Variants in PSD3 observed in about 807,000 individuals in gnomAD.
The protein encoded by PSD3 is pleckstrin and Sec7 domain containing 3.
PSD3 carries 49 observed loss-of-function variants against 105.5 expected under a neutral mutation model. The observed-to-expected ratio is 0.46, with a 90% confidence interval of 0.37 to 0.59. The LOEUF (loss-of-function observed/expected upper bound fraction) is 0.59. Ranked by LOEUF, PSD3 falls within the 20% of genes least tolerant of loss-of-function variation. The probability of loss-of-function intolerance (pLI) is 0.00; values close to 1 mark genes in which losing one functional copy is unlikely to be tolerated. For missense variants in PSD3, 1,561 were observed against 1,263.8 expected (o/e 1.24, Z -3.57); for synonymous variants, 557 against 457.8 (o/e 1.22, Z -2.77).
At chr8:18,551,602 A>G (rs1279541203) in intron 15 of PSD3, among the ~76,000 whole-genome samples, 2 of 152,202 alleles carry the variant, frequency 1.3e-5, no homozygotes, top group Non-Finnish European at 2.9e-5. Context: ...TGAATTTCCT[A>G]GCCATGTGGT....
intron 1 of PSD3, among the ~76,000 whole-genome samples, chr8:19,043,176 C>A (rs1399174208): frequency 6.6e-6 from 1 of 152,198 alleles, no homozygotes; most frequent in South Asian, 2.1e-4. Flanking sequence ...CAGGCCATAT[C>A]TTGCCAAATA....
intron 4 of PSD3, among the ~76,000 whole-genome samples, chr8:18,814,456 C>T (rs1344671777): frequency 6.6e-6 from 1 of 152,182 alleles, no homozygotes; most frequent in African/African-American, 2.4e-5. Context: ...TCAAACGTTT[C>T]TAGGGGCATG....
chr8:19,033,434 C>T (rs966414801), intron 1 of PSD3, among the ~76,000 whole-genome samples: 2 of 152,020 alleles, frequency 1.3e-5, no homozygotes, highest in Admixed American at 6.6e-5. Context: ...ACTTTTGATT[C>T]TCTCTAAGAA....
In PSD3 at chr8:18,677,882, T is replaced by C. The variant is rs367702269; in HGVS notation, c.2173-22197A>G. Among the ~76,000 whole-genome samples, 1,392 of 151,590 alleles carry C rather than the reference T, an allele frequency of 9.2e-3. 13 individuals are homozygous for C. The highest frequency in any genetic ancestry group is 0.019 in the South Asian group (92 of 4,794). On this transcript the variant is annotated intron_variant, in intron 9 of 15. Coordinates refer to ENST00000327040, the MANE Select transcript of PSD3 (RefSeq NM_015310.4). ...AAAATTAGCCAGGCGTGGTGGCGGG[T>C]GCCTGTAGTCCCAGCTACTCGGGAG...
intron 15 of PSD3, among the ~76,000 whole-genome samples, chr8:18,553,375 G>C (rs1275245717): frequency 8.2e-6 from 1 of 121,696 alleles, no homozygotes; most frequent in Non-Finnish European, 1.9e-5. Context: ...ACCTGGGTGA[G>C]AACAGTCACC....
rs74999568 is a variant in PSD3, at chr8:18,833,266, C to T, written c.1635-28368G>A. Among the ~76,000 whole-genome samples, 28 of 152,192 alleles carry T rather than the reference C, an allele frequency of 1.8e-4. No individual in the cohort carries two copies. The East Asian group carries it at 2.3e-3, about 13-fold the overall frequency. ...TTCACTCAGGTTGAAGCTTGTGGGA[C>T]GGAGGTGAGACAGTGTGAAGAACAC... On this transcript the variant is annotated intron_variant, in intron 4 of 15. Transcript: ENST00000327040.
chr8:18,841,506 T>G (rs1044639584), intron 4 of PSD3, among the ~76,000 whole-genome samples: 2 of 144,638 alleles, frequency 1.4e-5, no homozygotes, highest in African/African-American at 5.1e-5. Context: ...ACACTGAATT[T>G]AAACACTCAC....
At chr8:18,797,161 C>T (rs759376142) in intron 8 of PSD3, among the ~76,000 whole-genome samples, 3 of 152,228 alleles carry the variant, frequency 2.0e-5, no homozygotes, top group Non-Finnish European at 4.4e-5. Flanking sequence ...ATATATTCAA[C>T]AGACTTGTAA....
chr8:18,820,258 A>G (rs1214525010), intron 4 of PSD3, among the ~76,000 whole-genome samples: 1 of 150,808 alleles, frequency 6.6e-6, no homozygotes, highest in Non-Finnish European at 1.5e-5. Flanking sequence ...AGCAGAAAAT[A>G]TATGAAAATA....
In PSD3 at chr8:18,984,370, T is replaced by A. The variant is rs866912342; in HGVS notation, c.21+29193A>T. ...ATACATTAAAATGATCCTAACATAA[T>A]GTCTTTACATTATGGTACAAATTTA... On this transcript the variant is annotated intron_variant, in intron 1 of 15. Coordinates refer to ENST00000327040, the MANE Select transcript of PSD3 (RefSeq NM_015310.4). Among the ~76,000 whole-genome samples, 5 of 152,202 alleles carry A rather than the reference T, an allele frequency of 3.3e-5. No homozygotes were observed. The South Asian group carries it at 1.0e-3, about 32-fold the overall frequency.
chr8:18,892,626 C>CTTT (rs111896561), intron 2 of PSD3, among the ~76,000 whole-genome samples: 31 of 133,104 alleles, frequency 2.3e-4, no homozygotes, highest in African/African-American at 6.1e-4. Context: ...TCCTAATTTT[C>CTTT]TTTTTTTTTT....
At chr8:19,022,864 CTT>C (rs5889843) in intron 1 of PSD3, among the ~76,000 whole-genome samples, 1 of 143,686 alleles carries the variant, frequency 7.0e-6, no homozygotes, top group Non-Finnish European at 1.5e-5. Flanking sequence ...TCTCAGGACC[CTT>C]TTTTTTTTTT....
chr8:18,775,721 G>C (rs1001409823), intron 8 of PSD3, among the ~76,000 whole-genome samples: 1 of 152,012 alleles, frequency 6.6e-6, no homozygotes, highest in African/African-American at 2.4e-5. Flanking sequence ...ATATATTCTG[G>C]TTATTAATCC....
Position 18,730,557 on chromosome 8 carries a change from C to T in PSD3, c.2172+34892G>A, listed in dbSNP as rs560603674. 2.6e-5 allele frequency among the ~76,000 whole-genome samples: 4 copies of T among 152,264 alleles called. No individual in the cohort carries two copies. In the South Asian group the frequency reaches 8.3e-4, roughly 32 times the overall value. On this transcript the variant is annotated intron_variant, in intron 9 of 15. Coordinates refer to ENST00000327040, the MANE Select transcript of PSD3 (RefSeq NM_015310.4). ...AGATAAAGAAAAGATACACTATATC[C>T]ATTGTTACATTCACTGGCCTTTCAT... is the stretch of plus-strand genomic sequence containing the variant.
intron 2 of PSD3, among the ~76,000 whole-genome samples, chr8:18,916,887 GA>G (rs113682944): frequency 2.7e-5 from 4 of 150,808 alleles, no homozygotes; most frequent in African/African-American, 4.9e-5. Flanking sequence ...TGAAGGAAAT[GA>G]AAAAAAAGGA....
intron 11 of PSD3, among the ~76,000 whole-genome samples, chr8:18,601,140 A>T (rs909055560): frequency 6.6e-6 from 1 of 152,170 alleles, no homozygotes; most frequent in Non-Finnish European, 1.5e-5. Context: ...TATCCAAAAT[A>T]ATTAATTATT....
At chr8:18,615,603 A>G (rs1805600228) in intron 11 of PSD3, among the ~76,000 whole-genome samples, 1 of 152,252 alleles carries the variant, frequency 6.6e-6, no homozygotes, top group South Asian at 2.1e-4. Flanking sequence ...AGGTGTGAAC[A>G]TTGATCAAGA....
intron 12 of PSD3, among the ~76,000 whole-genome samples, chr8:18,594,116 A>C (rs1803824326): frequency 1.4e-5 from 1 of 73,262 alleles, no homozygotes; most frequent in Non-Finnish European, 2.5e-5. Context: ...TAGAACTTAA[A>C]GTATAATAAT....
At position 18,651,838 on chromosome 8, in the gene PSD3, G is replaced by A. The variant is rs541064694; in HGVS notation, c.2216+3804C>T. 4.6e-5 allele frequency among the ~76,000 whole-genome samples: 7 copies of A among 152,128 alleles called. No individual in the cohort carries two copies. In the South Asian group the frequency reaches 1.0e-3, roughly 22 times the overall value. On this transcript the variant is annotated intron_variant, in intron 10 of 15. Transcript: ENST00000327040. ...AGGTTCCTAGCAGAGGTGACTTCAC[G>A]AACACTGAATGGAGAACAAAATCAA...
Sources: allele counts gnomAD v4.1 joint callset (sites outside exome capture counted in the v4.1 genomes callset), GRCh38; gene constraint gnomAD v4.1.1; transcripts MANE v1.5; gene names NCBI Gene and HGNC (gene_info 2026-07-23, HGNC 2026-07-21).